SEC23B: variants seen among roughly 807,000 people sequenced by gnomAD.
SEC23B encodes the protein SEC23 homolog B, COPII component.
A neutral mutation model predicts 104.3 loss-of-function variants in SEC23B; 77 were observed. That is an observed-to-expected ratio of 0.74 (90% CI 0.61 to 0.89). The LOEUF is 0.89. Among genes scored for constraint, SEC23B ranks in the 40% least tolerant of loss-of-function variants. The pLI, the probability that SEC23B is intolerant of heterozygous loss-of-function variation, is 0.00. For synonymous variants in SEC23B, 338 were observed against 332.5 expected, an observed-to-expected ratio of 1.02 and a Z score of -0.18; for missense variants, 885 against 949.4, an observed-to-expected ratio of 0.93 and a Z score of 0.89.
chr20:18,539,086 A>G (rs908428373), intron 12 of SEC23B, among the ~76,000 whole-genome samples: 10 of 150,466 alleles, frequency 6.6e-5, no homozygotes, highest in Non-Finnish European at 1.2e-4. Flanking sequence ...CGTGGTGCAC[A>G]CCTATAATCC....
At chr20:18,508,311 C>G (rs1002856761) in intron 1 of SEC23B, 4 of 152,334 alleles carry the variant, frequency 2.6e-5, no homozygotes, top group African/African-American at 9.6e-5. Context: ...CTTGGACTCC[C>G]TTCAAGGATT....
chr20:18,552,442 G>A (rs1053017688), intron 17 of SEC23B, among the ~76,000 whole-genome samples: 15 of 152,042 alleles, frequency 9.9e-5, no homozygotes, highest in Middle Eastern at 3.2e-3. Context: ...CTGTATCCAC[G>A]GGTTCCACCT....
At chr20:18,512,595 T>G (rs1055110425) in intron 3 of SEC23B, among the ~76,000 whole-genome samples, 2 of 152,242 alleles carry the variant, frequency 1.3e-5, no homozygotes, top group Non-Finnish European at 1.5e-5. Context: ...TTCTCTTGAC[T>G]TCAGTATATT....
At chr20:18,537,125 A>G (rs1312924432) in intron 12 of SEC23B, among the ~76,000 whole-genome samples, 1 of 152,008 alleles carries the variant, frequency 6.6e-6, no homozygotes, top group Non-Finnish European at 1.5e-5. Flanking sequence ...AAATAGGAAC[A>G]CTTTTACACT....
At chr20:18,509,044 G>T (rs562567784) in intron 1 of SEC23B, among the ~76,000 whole-genome samples, 5 of 152,266 alleles carry the variant, frequency 3.3e-5, no homozygotes, top group Non-Finnish European at 7.4e-5. Flanking sequence ...AATAAAGAAC[G>T]TTTTGAGAGA....
chr20:18,527,429 C>CGGTAATTCAGGCATACCTTGGGG (rs2060143649), intron 8 of SEC23B, 67 bp from the exon 9 acceptor site: 9 of 869,206 alleles, frequency 1.0e-5, no homozygotes, highest in Non-Finnish European at 1.8e-5. Context: ...TTACCTCCTT[C>CGGTAATTCAGGCATACCTTGGGG]GGTAATTCAG....
intron 17 of SEC23B, among the ~76,000 whole-genome samples, chr20:18,551,739 T>TA (rs554420937): frequency 3.4e-4 from 52 of 151,454 alleles, no homozygotes; most frequent in Middle Eastern, 3.4e-3. Context: ...ATAATAATAA[T>TA]ATATGCTGTA....
chr20:18,517,145 G>C (rs1349545498), intron 4 of SEC23B, among the ~76,000 whole-genome samples: 3 of 152,162 alleles, frequency 2.0e-5, no homozygotes, highest in Non-Finnish European at 4.4e-5. Context: ...CGTGTGAAGA[G>C]ACCACCAAAC....
At chr20:18,559,538 C>T (rs756512048) in intron 19 of SEC23B, among the ~76,000 whole-genome samples, 7 of 152,140 alleles carry the variant, frequency 4.6e-5, no homozygotes, top group Non-Finnish European at 8.8e-5. Context: ...GCCCACCCAG[C>T]CTTTGCTGGT....
At chr20:18,512,027 A>C (rs966431974) in intron 2 of SEC23B, among the ~76,000 whole-genome samples, 198 bp from the exon 3 acceptor site, 2 of 152,222 alleles carry the variant, frequency 1.3e-5, no homozygotes, top group African/African-American at 2.4e-5. Flanking sequence ...TGTTTGATGG[A>C]AATTGTGGTG....
intron 13 of SEC23B, among the ~76,000 whole-genome samples, 180 bp downstream of exon 13, chr20:18,542,582 C>T (rs1287788488): frequency 1.3e-5 from 2 of 152,208 alleles, no homozygotes; most frequent in Non-Finnish European, 2.9e-5. Flanking sequence ...CCTATGAACA[C>T]TTGCCTAGAG....
At chr20:18,542,199 AT>A in intron 12 of SEC23B, 96 bp from the exon 13 acceptor site, 2 of 1,031,328 alleles carry the variant, frequency 1.9e-6, no homozygotes, top group South Asian at 2.5e-5. Context: ...CCTTCCTGTC[AT>A]TGCTGTGTCA....
chr20:18,535,746 A>T lies in SEC23B; in HGVS notation c.1404+4A>T. On this transcript the variant is annotated splice_donor_region_variant and intron_variant, in intron 12 of 19. Coordinates refer to ENST00000650089, the MANE Select transcript of SEC23B (RefSeq NM_006363.6). The stretch of plus-strand genomic sequence containing the variant: ...CTATTTTGAAGTTGTCAATCAGGTG[A>T]GTTGGATTTCTTCACATGTCTTCAT... The T allele has an allele frequency of 1.2e-6, 2 of 1,607,838 alleles. No individual in the cohort carries two copies. Among genetic ancestry groups the T allele is most frequent in the Non-Finnish European group, 1.7e-6 (2 of 1,174,298 alleles).
intron 18 of SEC23B, 149 bp from the exon 19 acceptor site, chr20:18,554,957 TGC>T: frequency 2.3e-5 from 2 of 87,016 alleles, no homozygotes; most frequent in South Asian, 1.3e-4. Context: ...TAGATTACTG[TGC>T]AGTAAAACAA....
At chr20:18,541,946 C>A (rs967476801) in intron 12 of SEC23B, among the ~76,000 whole-genome samples, 3 of 152,046 alleles carry the variant, frequency 2.0e-5, no homozygotes, top group Non-Finnish European at 4.4e-5. Flanking sequence ...ATTAACAATC[C>A]GTCACAAACT....
chr20:18,542,399 G>GA lies in SEC23B; in HGVS notation c.1511dup (p.Asn504LysfsTer17). Reference sequence around the variant, plus strand: ...CGCATCCGCGTGACCACCATCGCCCGAAAGTAAGCAGCCCCAGTTTCCTTT... The same window carrying GA: ...CGCATCCGCGTGACCACCATCGCCCGAAAAGTAAGCAGCCCCAGTTTCCTTT... On this transcript the variant is annotated frameshift_variant, in exon 13 of 20. Transcript: ENST00000650089. LOFTEE classifies it high-confidence loss of function. 4 of 1,613,728 alleles carry GA rather than the reference G, an allele frequency of 2.5e-6. No homozygotes were observed. Among genetic ancestry groups the GA allele is most frequent in the Non-Finnish European group, 3.4e-6 (4 of 1,179,594 alleles).
chr20:18,542,615 A>G (rs2060297834), intron 13 of SEC23B, among the ~76,000 whole-genome samples: 1 of 152,172 alleles, frequency 6.6e-6, no homozygotes, highest in African/African-American at 2.4e-5. Flanking sequence ...TGTAGGAAAT[A>G]TAGTTCATTA....
intron 4 of SEC23B, among the ~76,000 whole-genome samples, chr20:18,523,397 C>CTTTTTTTTTTTTTTTTTT (rs112136906): frequency 1.5e-5 from 2 of 130,552 alleles, no homozygotes; most frequent in Non-Finnish European, 3.1e-5. Context: ...TCTTTCCTTT[C>CTTTTTTTTTTTTTTTTTT]TTTTTTTTTT....
At chr20:18,524,308 A>G (rs990679659) in intron 4 of SEC23B, 125 bp from the exon 5 acceptor site, 3 of 768,432 alleles carry the variant, frequency 3.9e-6, no homozygotes, top group East Asian at 2.4e-5. Flanking sequence ...CTTTGTATAG[A>G]TGTCCTTATC....
Sources: allele counts gnomAD v4.1 joint callset (sites outside exome capture counted in the v4.1 genomes callset), GRCh38; gene constraint gnomAD v4.1.1; transcripts MANE v1.5; gene names NCBI Gene and HGNC (gene_info 2026-07-23, HGNC 2026-07-21).